Variants in MRPL4 observed in about 807,000 individuals in gnomAD.
MRPL4 encodes large ribosomal subunit protein uL4m.
In MRPL4, 34 loss-of-function variants were observed where a neutral mutation model predicts 34.1. The ratio of observed to expected loss-of-function variants is 1.00; its 90% CI spans 0.76 to 1.33. MRPL4 has a LOEUF of 1.33. Ranked by LOEUF, MRPL4 falls within the 40% of genes most tolerant of loss-of-function variation. MRPL4 has a pLI of 0.00. For synonymous variants in MRPL4, 196 were observed against 188.3 expected (o/e 1.04, Z -0.33); for missense variants, 402 against 434.6 (o/e 0.92, Z 0.67).
intron 5 of MRPL4, 41 bp downstream of exon 5, chr19:10,256,866 G>GGGGGGGGGGGGGGGGGGGGCC: frequency 6.6e-5 from 25 of 378,308 alleles, no homozygotes; most frequent in East Asian, 1.2e-4. Context: ...GGGTGGGGGG[G>GGGGGGGGGGGGGGGGGGGGCC]CCAGGGAAGG....
intron 5 of MRPL4, among the ~76,000 whole-genome samples, chr19:10,257,301 C>T (rs1016880952): frequency 3.3e-5 from 5 of 152,032 alleles, no homozygotes; most frequent in East Asian, 3.9e-4. Flanking sequence ...CTTGTTTTTT[C>T]GGTTGTGTTT....
chr19:10,252,743 G>GA, intron 3 of MRPL4, 42 bp downstream of exon 3: 1 of 1,578,006 alleles, frequency 6.3e-7, no homozygotes, highest in South Asian at 1.1e-5. Context: ...GCAGAGGGAT[G>GA]AAGAGCGGGA....
chr19:10,259,077 G>T, intron 8 of MRPL4: 1 of 1,267,930 alleles, frequency 7.9e-7, no homozygotes. Flanking sequence ...CAAACCTGGG[G>T]AGAGAGCTAG....
At chr19:10,252,527 C>T (rs758369833) in intron 2 of MRPL4, 24 bp from the exon 3 acceptor site, 3 of 1,613,338 alleles carry the variant, frequency 1.9e-6, no homozygotes, top group East Asian at 4.5e-5. Flanking sequence ...TGACCCTAAC[C>T]TCTGACCCCC....
At chr19:10,259,098 CAAAAA>C (rs35481360) in intron 8 of MRPL4, 1,674 of 534,266 alleles carry the variant, frequency 3.1e-3, no homozygotes, top group Middle Eastern at 5.2e-3. Context: ...ACTCTTGTCT[CAAAAA>C]AAAAAAAAAA....
chr19:10,252,845 T>C, intron 3 of MRPL4, 144 bp downstream of exon 3: 1 of 1,185,696 alleles, frequency 8.4e-7, no homozygotes, highest in South Asian at 1.5e-5. Flanking sequence ...AGGGGAATGA[T>C]GACAGTTTCC....
intron 7 of MRPL4, 25 bp from the exon 8 acceptor site, chr19:10,258,584 C>T (rs771765931): frequency 6.2e-7 from 1 of 1,614,176 alleles, no homozygotes; most frequent in Non-Finnish European, 8.5e-7. Flanking sequence ...AGGGTTCAAC[C>T]CCCACTCCCT....
upstream of MRPL4, chr19:10,251,979 G>A: frequency 1.9e-6 from 1 of 521,184 alleles, no homozygotes; most frequent in Non-Finnish European, 3.3e-6. Flanking sequence ...AGTAGGCTAG[G>A]CCTACGGAAG....
upstream of MRPL4, chr19:10,252,191 C>A (rs970292019): frequency 2.6e-5 from 39 of 1,496,068 alleles, no homozygotes; most frequent in Non-Finnish European, 3.4e-5. Flanking sequence ...GTGACGTCAT[C>A]CAGCGGCGCC....
intron 8 of MRPL4, chr19:10,259,125 A>G: frequency 7.4e-6 from 9 of 1,211,274 alleles, no homozygotes; most frequent in South Asian, 3.1e-5. Context: ...AAAAAAAAAA[A>G]GCTCCAAAGT....
intron 5 of MRPL4, 115 bp downstream of exon 5, chr19:10,256,940 C>T (rs1398075603): frequency 1.2e-6 from 1 of 862,552 alleles, no homozygotes; most frequent in Non-Finnish European, 1.7e-6. Flanking sequence ...GCCCTGTTCC[C>T]TCCACCTCAT....
rs1020627275 is a variant in MRPL4, at chr19:10,259,638, T to C, written c.761T>C (p.Leu254Pro). 2 of 1,406,420 alleles carry C rather than the reference T, an allele frequency of 1.4e-6. No individual in the cohort carries two copies. Among genetic ancestry groups the C allele is most frequent in the Non-Finnish European group, 1.9e-6 (2 of 1,058,656 alleles). 87.1% of individuals were successfully genotyped at this position (1,406,420 alleles called of 1,614,324 possible). The change falls in exon 9 of 9, where the codon CTC becomes CCC. Residue 254 changes from leucine (L) to proline (P), a missense_variant. By Grantham distance (98) the Leu-to-Pro change is moderately conservative. Transcript: ENST00000253099. ...CCAGGCCTAAATGTGCACAGCATGCTCAAGCACCAGACGCTGGTCCTGACG... is the reference window on the plus strand; with the variant it reads ...CCAGGCCTAAATGTGCACAGCATGCCCAAGCACCAGACGCTGGTCCTGACG... ...PAVGLNVHSM[L>P]KHQTLVLTLP...
rs2039831949 is a variant in MRPL4 at position 10,254,646 on chromosome 19, T to C, written c.327+6T>C. ...AGAAGAACTTCAAGAGAATTGTGAG[T>C]GCCTAAATGGAGCAAGGTGGTGGGA... On this transcript the variant is annotated splice_donor_region_variant and intron_variant, in intron 4 of 8. Transcript: ENST00000253099. 6.2e-7 allele frequency: 1 copy of C among 1,613,714 alleles called. No individual in the cohort carries two copies. The highest frequency in any genetic ancestry group is 1.3e-5 in the African/African-American group (1 of 74,902).
intron 3 of MRPL4, among the ~76,000 whole-genome samples, chr19:10,253,305 T>A (rs1291757940): frequency 7.3e-5 from 11 of 149,660 alleles, no homozygotes. Flanking sequence ...TGAAACCCCG[T>A]CTCTACTAAA....
chr19:10,258,511 C>G lies in MRPL4; in HGVS notation c.651C>G (p.Leu217=). 2.5e-6 allele frequency: 4 copies of G among 1,614,056 alleles called. No individual in the cohort carries two copies. Among genetic ancestry groups the G allele is most frequent in the Non-Finnish European group, 3.4e-6 (4 of 1,179,944 alleles). ...AHYRRWGDSV[L]LVDLTHEEMP... ...ACCGCCGCTGGGGGGACTCCGTACT[C>G]CTCGTGGACTTGTGAGGGCACAGGG... Residue 217 remains leucine, a synonymous_variant, in exon 7 of 9, where the codon CTC becomes CTG. Transcript: ENST00000253099.
intron 8 of MRPL4, 136 bp downstream of exon 8, chr19:10,258,821 C>T: frequency 6.3e-7 from 1 of 1,594,208 alleles, no homozygotes; most frequent in Non-Finnish European, 8.5e-7. Context: ...CTTCAGCTTG[C>T]CCAAAGCAAT....
Position 10,252,253 on chromosome 19 carries a change from G to T in MRPL4, c.-1G>T, listed in dbSNP as rs1005151715. On this transcript the variant is annotated 5_prime_UTR_variant, in exon 1 of 9. Transcript: ENST00000253099. Reference sequence around the variant, plus strand: ...CCCGCGGCGTGGGAGGCTGCGCGGCGATGCTGCAGTTCGTCCGGGCCGGGG... The same window carrying T: ...CCCGCGGCGTGGGAGGCTGCGCGGCTATGCTGCAGTTCGTCCGGGCCGGGG... 10 of 1,603,330 alleles carry T rather than the reference G, an allele frequency of 6.2e-6. No homozygotes were observed. The highest frequency in any genetic ancestry group is 3.3e-5 in the South Asian group (3 of 90,728).
chr19:10,256,785 G>A lies in MRPL4; in HGVS notation c.405G>A (p.Arg135=). The change falls in exon 5 of 9, where the codon CGG becomes CGA. Residue 135 remains arginine (R), a synonymous_variant. Coordinates refer to ENST00000253099, the MANE Select transcript of MRPL4 (RefSeq NM_015956.3). ...CTTGGCCGCAGAAAGGCACTGGGCGGGCCCGGCATGGCAGCATCCGCTCTC... is the reference window on the plus strand; with the variant it reads ...CTTGGCCGCAGAAAGGCACTGGGCGAGCCCGGCATGGCAGCATCCGCTCTC... ...RKPWPQKGTG[R]ARHGSIRSPL... is the part of the protein sequence containing the mutation. 1 of 1,567,922 alleles carries A rather than the reference G, an allele frequency of 6.4e-7. No individual in the cohort carries two copies.
chr19:10,258,722 G>T, intron 8 of MRPL4, 37 bp downstream of exon 8: 1 of 1,614,020 alleles, frequency 6.2e-7, no homozygotes, highest in Non-Finnish European at 8.5e-7. Context: ...GTGCGCATGT[G>T]CAGGCTCCGC....
Sources: gnomAD v4.1 joint callset for allele counts (sites outside exome capture counted in the v4.1 genomes callset) on GRCh38, gnomAD v4.1.1 for gene constraint, MANE v1.5 for transcripts, NCBI Gene and HGNC (gene_info 2026-07-23, HGNC 2026-07-21) for gene names.